Variants in CA13 observed in about 807,000 individuals in gnomAD.
The protein encoded by CA13 is CA-XIII.
Under a neutral mutation model 31.5 loss-of-function variants are expected in CA13, and 21 were observed. That is an observed-to-expected ratio of 0.67 (90% CI 0.47 to 0.96). The LOEUF (loss-of-function observed/expected upper bound fraction) is 0.96. Among genes scored for constraint, CA13 ranks in the 40% least tolerant of loss-of-function variants. The probability of loss-of-function intolerance (pLI) is 0.00; values close to 1 mark genes in which losing one functional copy is unlikely to be tolerated. For missense variants in CA13, 315 were observed against 318.9 expected, an observed-to-expected ratio of 0.99 and a Z score of 0.09; for synonymous variants, 117 against 111.4, an observed-to-expected ratio of 1.05 and a Z score of -0.32.
At chr8:85,256,441 C>A (rs184557457) in intron 2 of CA13, among the ~76,000 whole-genome samples, 1 of 152,136 alleles carries the variant, frequency 6.6e-6, no homozygotes, top group Non-Finnish European at 1.5e-5. Flanking sequence ...ATTCAGTGAT[C>A]GTTCTTTAAT....
chr8:85,249,343 A>C (rs967235747), intron 1 of CA13, among the ~76,000 whole-genome samples: 1 of 152,066 alleles, frequency 6.6e-6, no homozygotes, highest in Non-Finnish European at 1.5e-5. Context: ...GTTTTTTATA[A>C]AAGTAGCTGG....
chr8:85,280,403 CCTCT>C (rs1008267620), intron 6 of CA13, among the ~76,000 whole-genome samples: 28 of 152,248 alleles, frequency 1.8e-4, no homozygotes, highest in African/African-American at 6.3e-4. Flanking sequence ...TTATAAAGGA[CCTCT>C]CTCTCCTCTG....
At chr8:85,277,633 T>G (rs1420868954) in intron 6 of CA13, among the ~76,000 whole-genome samples, 1 of 152,184 alleles carries the variant, frequency 6.6e-6, no homozygotes, top group African/African-American at 2.4e-5. Flanking sequence ...AACGCTCTTG[T>G]ATCACTTCGA....
Position 85,245,673 on chromosome 8 carries a change from A to G in CA13, c.-156A>G, listed in dbSNP as rs1813709859. 1 of 779,952 alleles carries G rather than the reference A, an allele frequency of 1.3e-6. No individual in the cohort carries two copies. The highest frequency in any genetic ancestry group is 2.1e-6 in the Non-Finnish European group (1 of 470,496). 48.3% of individuals were successfully genotyped at this position (779,952 alleles called of 1,614,324 possible). On this transcript the variant is annotated 5_prime_UTR_variant, in exon 1 of 7. Coordinates refer to ENST00000321764, the MANE Select transcript of CA13 (RefSeq NM_198584.3). Reference sequence around the variant, plus strand: ...CACGCCTCTGCCGTCTGGAGGACGCAGGCGGGAGCGCCCCGGACCGGGTTC... The same window carrying G: ...CACGCCTCTGCCGTCTGGAGGACGCGGGCGGGAGCGCCCCGGACCGGGTTC...
rs10658651 is a variant in CA13 at position 85,254,772 on chromosome 8, GT to G, written c.235+3851del. Among the ~76,000 whole-genome samples, 845 of 122,640 alleles carry G rather than the reference GT, an allele frequency of 6.9e-3. 7 individuals are homozygous for G. Among genetic ancestry groups the G allele is most frequent in the African/African-American group, 0.023 (745 of 32,914 alleles). The allele number at this position is 122,640 out of a possible 152,430, so 80.5% of individuals were successfully genotyped here. A position where few individuals can be genotyped will look rare whatever the true frequency, so the allele number is the denominator to read the frequency against. ...AGAAGAAACCACCATAGTTAAACAA[GT>G]TTTTTTTTTTTTTTTGGTTTTGTTT... On this transcript the variant is annotated intron_variant, in intron 2 of 6. Transcript: ENST00000321764.
At chr8:85,275,091 C>G (rs1416333210) in intron 6 of CA13, among the ~76,000 whole-genome samples, 1 of 152,156 alleles carries the variant, frequency 6.6e-6, no homozygotes, top group Non-Finnish European at 1.5e-5. Flanking sequence ...CCACAGTGCA[C>G]TTAGGCTGGG....
Position 85,259,482 on chromosome 8 carries a change from G to A in CA13, c.297G>A (p.Gly99=), listed in dbSNP as rs746063440. The A allele has an allele frequency of 1.2e-6, 2 of 1,614,090 alleles. No homozygotes were observed. The highest frequency in any genetic ancestry group is 1.7e-6 in the Non-Finnish European group (2 of 1,179,980). ...TACGGCAGGTTCACCTTCACTGGGG[G>A]TCCGCTGATGACCACGGCTCCGAGC... ...YRLRQVHLHW[G]SADDHGSEHI... is the part of the protein sequence containing the mutation. The change falls in exon 3 of 7, where the codon GGG becomes GGA. Residue 99 remains glycine (G), a synonymous_variant. Transcript: ENST00000321764.
intron 4 of CA13, chr8:85,267,353 C>T (rs1807472592): frequency 1.1e-6 from 1 of 926,322 alleles, no homozygotes; most frequent in Admixed American, 6.2e-5. Context: ...GCTTTAAAAC[C>T]TTCAGGTAGA....
chr8:85,252,359 A>G (rs1375641205), intron 2 of CA13, among the ~76,000 whole-genome samples: 1 of 152,186 alleles, frequency 6.6e-6, no homozygotes, highest in Non-Finnish European at 1.5e-5. Flanking sequence ...CATTGAAGGG[A>G]GGGAAAGTAG....
intron 6 of CA13, among the ~76,000 whole-genome samples, chr8:85,278,033 G>A (rs541665986): frequency 6.6e-6 from 1 of 151,942 alleles, no homozygotes; most frequent in South Asian, 2.1e-4. Context: ...GGCTGAGGCG[G>A]GAGGATCACT....
chr8:85,249,161 G>A (rs1190302218), intron 1 of CA13, among the ~76,000 whole-genome samples: 1 of 152,142 alleles, frequency 6.6e-6, no homozygotes, highest in African/African-American at 2.4e-5. Context: ...GTATGTATGT[G>A]TGAGTTCTCT....
In CA13 at chr8:85,246,976, A is replaced by G. The variant is rs541567086; in HGVS notation, c.37+1111A>G. On this transcript the variant is annotated intron_variant, in intron 1 of 6. Transcript: ENST00000321764. Reference sequence around the variant, plus strand: ...AAGTTTAATTTCACAAACTAACAGAAAAATTCTATTTCTAATTGTAGCCTG... The same window carrying G: ...AAGTTTAATTTCACAAACTAACAGAGAAATTCTATTTCTAATTGTAGCCTG... Among the ~76,000 whole-genome samples, 10 of 152,338 alleles carry G rather than the reference A, an allele frequency of 6.6e-5. No individual in the cohort carries two copies. In the South Asian group the frequency reaches 2.1e-3, roughly 32 times the overall value.
At chr8:85,257,566 A>T (rs1277228777) in intron 2 of CA13, among the ~76,000 whole-genome samples, 2 of 151,902 alleles carry the variant, frequency 1.3e-5, no homozygotes, top group African/African-American at 2.4e-5. Context: ...GCAAAAAAAA[A>T]AAATACAACT....
chr8:85,259,460 G>A lies in CA13; in HGVS notation c.275G>A (p.Arg92Gln), dbSNP rs761354188. The change falls in exon 3 of 7, where the codon CGG becomes CAG. Residue 92 changes from arginine (R) to glutamine (Q), a missense_variant. By Grantham distance (43) the Arg-to-Gln change is conservative (BLOSUM62 1). Transcript: ENST00000321764. ...GGPLTGSYRL[R>Q]QVHLHWGSAD... ...CCTCTCACTGGAAGCTACAGGTTAC[G>A]GCAGGTTCACCTTCACTGGGGGTCC... 36 of 1,613,906 alleles carry A rather than the reference G, an allele frequency of 2.2e-5. 1 individual carries two copies. Among genetic ancestry groups the A allele is most frequent in the Non-Finnish European group, 2.9e-5 (34 of 1,179,974 alleles).
intron 6 of CA13, among the ~76,000 whole-genome samples, chr8:85,269,976 GCCT>G (rs1807506819): frequency 6.6e-6 from 1 of 152,094 alleles, no homozygotes; most frequent in African/African-American, 2.4e-5. Context: ...TCCTGCTTCG[GCCT>G]CCCAAAGTGC....
chr8:85,279,791 A>G (rs1807670755), intron 6 of CA13, among the ~76,000 whole-genome samples: 3 of 152,194 alleles, frequency 2.0e-5, no homozygotes, highest in Admixed American at 6.5e-5. Flanking sequence ...CTGGATTGTT[A>G]TGATCTGCAG....
Position 85,250,859 on chromosome 8 carries a change from G to A in CA13, c.157G>A (p.Asp53Asn). The A allele has an allele frequency of 6.2e-7, 1 of 1,614,072 alleles. No individual in the cohort carries two copies. Among genetic ancestry groups the A allele is most frequent in the Non-Finnish European group, 8.5e-7 (1 of 1,180,014 alleles). ...SSLRPLSIKY[D>N]PSSAKIISNS... ...CCTCCGACCACTTAGTATCAAGTAT[G>A]ACCCAAGCTCAGCTAAAATCATCAG... The change falls in exon 2 of 7, where the codon GAC (aspartate) becomes AAC (asparagine). Residue 53 changes from aspartate to asparagine, a missense_variant. Asp to Asn is a conservative substitution (Grantham distance 23, BLOSUM62 1). Coordinates refer to ENST00000321764, the MANE Select transcript of CA13 (RefSeq NM_198584.3).
chr8:85,282,132 A>G lies in CA13; in HGVS notation c.*783A>G, dbSNP rs4617148. The stretch of plus-strand genomic sequence containing the variant: ...CATAAAAAGTAGATTACGTTTTCCT[A>G]TAAGGATAATTTTTGCAGTGATTAT... On this transcript the variant is annotated 3_prime_UTR_variant, in exon 7 of 7. Transcript: ENST00000321764. The G allele has an allele frequency of 6.6e-6, 1 of 151,930 alleles. No individual in the cohort carries two copies. Among genetic ancestry groups the G allele is most frequent in the Non-Finnish European group, 1.5e-5 (1 of 67,972 alleles). The allele number at this position is 151,930 out of a possible 1,614,324, so 9.4% of individuals were successfully genotyped here. A position where few individuals can be genotyped will look rare whatever the true frequency, so the allele number is the denominator to read the frequency against.
chr8:85,258,009 C>T (rs1807324995), intron 2 of CA13, among the ~76,000 whole-genome samples: 2 of 147,650 alleles, frequency 1.4e-5, no homozygotes, highest in South Asian at 4.2e-4. Flanking sequence ...TAAATATATA[C>T]ATATTAAATT....
Sources: gnomAD v4.1 joint callset for allele counts (sites outside exome capture counted in the v4.1 genomes callset) on GRCh38, gnomAD v4.1.1 for gene constraint, MANE v1.5 for transcripts, NCBI Gene and HGNC (gene_info 2026-07-23, HGNC 2026-07-21) for gene names.